ROBO2: variants seen among roughly 807,000 people sequenced by gnomAD.
ROBO2 encodes the protein roundabout guidance receptor 2, also known as roundabout homolog 2.
A neutral mutation model predicts 160.8 loss-of-function variants in ROBO2; 53 were observed. The observed-to-expected ratio is 0.33, with a 90% CI of 0.26 to 0.41. The LOEUF (loss-of-function observed/expected upper bound fraction) is 0.41, where lower values mean the gene tolerates loss of function less well. Ranked by LOEUF, ROBO2 falls within the 10% of genes least tolerant of loss-of-function variation. The pLI, the probability that ROBO2 is intolerant of heterozygous loss-of-function variation, is 1.00. For missense variants in ROBO2, 1,577 were observed against 1,722.4 expected (o/e 0.92, Z 1.49); for synonymous variants, 664 against 611.7 (o/e 1.09, Z -1.26).
intron 2 of ROBO2, among the ~76,000 whole-genome samples, chr3:76,738,805 G>T (rs2093755480): frequency 6.6e-6 from 1 of 151,332 alleles, no homozygotes; most frequent in African/African-American, 2.4e-5. Context: ...CACATGAAAT[G>T]AGGCTGGTTT....
intron 2 of ROBO2, among the ~76,000 whole-genome samples, chr3:76,055,933 G>C (rs1203003062): frequency 1.3e-5 from 2 of 151,980 alleles, no homozygotes; most frequent in Non-Finnish European, 2.9e-5. Context: ...TGGACCACCA[G>C]CTTTTAAGAA....
intron 2 of ROBO2, among the ~76,000 whole-genome samples, chr3:76,752,087 A>G (rs1465068160): frequency 6.6e-6 from 1 of 152,210 alleles, no homozygotes; most frequent in Admixed American, 6.6e-5. Context: ...TGTGACACAT[A>G]TACAGCATGG....
At chr3:76,998,688 A>G (rs575961958) in intron 2 of ROBO2, among the ~76,000 whole-genome samples, 6 of 152,256 alleles carry the variant, frequency 3.9e-5, no homozygotes, top group Non-Finnish European at 4.4e-5. Flanking sequence ...TCACATCGTG[A>G]TATTCTCAAG....
chr3:77,076,360 A>G (rs879908554), intron 1 of ROBO2, among the ~76,000 whole-genome samples: 5 of 152,180 alleles, frequency 3.3e-5, no homozygotes, highest in Non-Finnish European at 5.9e-5. Context: ...TCAAATATTT[A>G]AAACTTCTTT....
chr3:76,691,596 A>G (rs531082256), intron 2 of ROBO2, among the ~76,000 whole-genome samples: 1 of 152,298 alleles, frequency 6.6e-6, no homozygotes, highest in East Asian at 1.9e-4. Flanking sequence ...AATGAATGTG[A>G]AAATAATAAT....
At chr3:76,959,633 T>C (rs536613289) in intron 2 of ROBO2, among the ~76,000 whole-genome samples, 196 of 152,306 alleles carry the variant, frequency 1.3e-3, no homozygotes, top group Non-Finnish European at 2.4e-3. Flanking sequence ...AGATTAATGA[T>C]ACGAGTGCAT....
intron 2 of ROBO2, among the ~76,000 whole-genome samples, chr3:77,017,280 A>G (rs1459306404): frequency 6.6e-6 from 1 of 152,216 alleles, no homozygotes; most frequent in East Asian, 1.9e-4. Flanking sequence ...TTTAAATTCA[A>G]AGGAAATGAG....
At chr3:76,984,676 T>C (rs761964118) in intron 2 of ROBO2, among the ~76,000 whole-genome samples, 6 of 151,864 alleles carry the variant, frequency 4.0e-5, no homozygotes, top group Non-Finnish European at 8.8e-5. Context: ...ATGATACTCA[T>C]AAAATATGAA....
chr3:77,585,162 A>G (rs1295416388), intron 16 of ROBO2, among the ~76,000 whole-genome samples: 1 of 151,296 alleles, frequency 6.6e-6, no homozygotes, highest in African/African-American at 2.4e-5. Flanking sequence ...TTAGTAATAA[A>G]TACTAAATTC....
chr3:75,942,573 A>AAAATTAT (rs1161348474), intron 2 of ROBO2, among the ~76,000 whole-genome samples: 12 of 152,270 alleles, frequency 7.9e-5, no homozygotes, highest in Non-Finnish European at 1.5e-4. Context: ...TAAGCGTCTT[A>AAAATTAT]AAATTATAAA....
chr3:76,161,320 T>C (rs2072627248), intron 2 of ROBO2, among the ~76,000 whole-genome samples: 1 of 152,212 alleles, frequency 6.6e-6, no homozygotes. Flanking sequence ...TTAATGTGTT[T>C]ATTCTCGAGC....
chr3:76,620,543 T>A (rs1054106021), intron 2 of ROBO2, among the ~76,000 whole-genome samples: 2 of 152,158 alleles, frequency 1.3e-5, no homozygotes, highest in African/African-American at 4.8e-5. Flanking sequence ...AATATAAAAT[T>A]AGGGGTAAAC....
At chr3:77,433,681 G>T (rs2079019413) in intron 2 of ROBO2, among the ~76,000 whole-genome samples, 1 of 151,374 alleles carries the variant, frequency 6.6e-6, no homozygotes, top group Non-Finnish European at 1.5e-5. Context: ...CTCTGTCCTG[G>T]ACCTAATTTC....
intron 2 of ROBO2, among the ~76,000 whole-genome samples, chr3:76,626,275 T>A (rs2089634449): frequency 6.6e-6 from 1 of 152,134 alleles, no homozygotes; most frequent in Admixed American, 6.5e-5. Context: ...TAAGCAGAAG[T>A]TGTATATATA....
At chr3:77,260,932 G>A (rs772055203) in intron 2 of ROBO2, among the ~76,000 whole-genome samples, 5 of 152,110 alleles carry the variant, frequency 3.3e-5, no homozygotes, top group Non-Finnish European at 7.4e-5. Context: ...GGAACATGAA[G>A]GAAACTGCGT....
Position 76,871,780 on chromosome 3 carries a change from C to A in ROBO2, c.110-226234C>A, listed in dbSNP as rs76643421. Among the ~76,000 whole-genome samples, 26 of 152,250 alleles carry A rather than the reference C, an allele frequency of 1.7e-4. 3 individuals carry two copies. The East Asian group carries it at 5.0e-3, about 29-fold the overall frequency. On this transcript the variant is annotated intron_variant, in intron 2 of 26. Coordinates refer to the ROBO2 transcript ENST00000487694. ...CAACTTTTTCATGGAAACCCACTGGCTGGCTAATGTGACAACAGTAGAAAG... is the reference window on the plus strand; with the variant it reads ...CAACTTTTTCATGGAAACCCACTGGATGGCTAATGTGACAACAGTAGAAAG...
At chr3:76,893,143 C>G (rs575591560) in intron 2 of ROBO2, among the ~76,000 whole-genome samples, 2 of 151,978 alleles carry the variant, frequency 1.3e-5, no homozygotes, top group East Asian at 1.9e-4. Context: ...ATATACGGTA[C>G]GCATTATCCT....
intron 2 of ROBO2, among the ~76,000 whole-genome samples, chr3:76,682,807 ATAG>A (rs928863449): frequency 2.0e-5 from 3 of 152,186 alleles, no homozygotes; most frequent in Admixed American, 6.6e-5. Flanking sequence ...GAGAGTTATA[ATAG>A]TAAAAATCAA....
chr3:75,923,945 A>G (rs897375860), intron 1 of ROBO2, among the ~76,000 whole-genome samples: 20 of 152,220 alleles, frequency 1.3e-4, no homozygotes, highest in African/African-American at 2.2e-4. Flanking sequence ...AAGGCCATCT[A>G]CTGTGCACAA....
Sources: gnomAD v4.1 joint callset for allele counts (sites outside exome capture counted in the v4.1 genomes callset) on GRCh38, gnomAD v4.1.1 for gene constraint, MANE v1.5 for transcripts, NCBI Gene and HGNC (gene_info 2026-07-23, HGNC 2026-07-21) for gene names.